Variants in TEX29 observed in about 807,000 individuals in gnomAD.
TEX29 encodes the protein testis expressed 29, also known as testis-expressed protein 29.
In TEX29, 26 loss-of-function variants were observed where a neutral mutation model predicts 18.2. That is an observed-to-expected ratio of 1.43 (90% CI 1.04 to 1.98). The LOEUF (loss-of-function observed/expected upper bound fraction) is 1.98, where lower values mean the gene tolerates loss of function less well. Ranked by LOEUF, TEX29 falls within the 30% of genes most tolerant of loss-of-function variation. The pLI is 0.00. For synonymous variants in TEX29, 83 were observed against 78.5 expected, an observed-to-expected ratio of 1.06 and a Z score of -0.31; for missense variants, 177 against 194.2, an observed-to-expected ratio of 0.91 and a Z score of 0.53.
At chr13:111,324,167 T>G (rs1394266716) in intron 2 of TEX29, among the ~76,000 whole-genome samples, 1 of 152,184 alleles carries the variant, frequency 6.6e-6, no homozygotes, top group Non-Finnish European at 1.5e-5. Flanking sequence ...ACATTTCCTG[T>G]CACCACTGTA....
intron 3 of TEX29, among the ~76,000 whole-genome samples, chr13:111,334,190 A>G (rs2093686497): frequency 6.6e-6 from 1 of 152,198 alleles, no homozygotes; most frequent in African/African-American, 2.4e-5. Flanking sequence ...TAGGTAAGAT[A>G]ATATAGCACC....
intron 4 of TEX29, among the ~76,000 whole-genome samples, chr13:111,342,247 A>G (rs74581168): frequency 6.6e-6 from 1 of 152,166 alleles, no homozygotes; most frequent in Non-Finnish European, 1.5e-5. Context: ...CCATTTTCCT[A>G]CCATGAGTGG....
rs2093691117 is a variant in TEX29, at chr13:111,337,497, C to A, written c.170-2366C>A. ...GCAACTGGCCCAAGAGAGATCAGGGCAGAAGCTGCAATGTCTTTTTTACCT... is the reference window on the plus strand; with the variant it reads ...GCAACTGGCCCAAGAGAGATCAGGGAAGAAGCTGCAATGTCTTTTTTACCT... On this transcript the variant is annotated intron_variant, in intron 3 of 5. Coordinates refer to ENST00000283547, the MANE Select transcript of TEX29 (RefSeq NM_152324.3). Among the ~76,000 whole-genome samples the A allele has an allele frequency of 2.0e-5, 3 of 151,978 alleles. No homozygotes were observed. The South Asian group carries it at 6.3e-4, about 32-fold the overall frequency.
chr13:111,336,695 A>G (rs2093690049), intron 3 of TEX29, among the ~76,000 whole-genome samples: 1 of 152,248 alleles, frequency 6.6e-6, no homozygotes, highest in Non-Finnish European at 1.5e-5. Context: ...AACATTTACC[A>G]AGACGTTTCT....
chr13:111,327,638 G>C (rs1046253268), intron 2 of TEX29, among the ~76,000 whole-genome samples: 1 of 152,234 alleles, frequency 6.6e-6, no homozygotes, highest in Non-Finnish European at 1.5e-5. Flanking sequence ...GGAAAGGGTC[G>C]TCTGCCAGGA....
At chr13:111,335,411 C>T (rs1055649251) in intron 3 of TEX29, among the ~76,000 whole-genome samples, 5 of 152,210 alleles carry the variant, frequency 3.3e-5, no homozygotes, top group Non-Finnish European at 5.9e-5. Context: ...TCCAGCAGCT[C>T]GTCCTCTGAG....
chr13:111,339,149 G>A (rs1375999130), intron 3 of TEX29: 8 of 419,974 alleles, frequency 1.9e-5, no homozygotes, highest in African/African-American at 8.1e-5. Flanking sequence ...GCTGCCCCTC[G>A]TGGCCACCTG....
At chr13:111,339,766 G>A in intron 3 of TEX29, 97 bp from the exon 4 acceptor site, 1 of 1,247,672 alleles carries the variant, frequency 8.0e-7, no homozygotes, top group Non-Finnish European at 1.2e-6. Context: ...CGCGCCGGGA[G>A]GGCCCGCACC....
At chr13:111,319,410 A>G (rs143227417), upstream of TEX29, among the ~76,000 whole-genome samples, 390 of 152,326 alleles carry the variant, frequency 2.6e-3, 1 homozygote, top group Non-Finnish European at 4.3e-3. Context: ...AAGCTCTGAC[A>G]CGTGCTACAT....
chr13:111,338,747 A>T (rs558137892), intron 3 of TEX29, among the ~76,000 whole-genome samples: 1 of 152,244 alleles, frequency 6.6e-6, no homozygotes, highest in Non-Finnish European at 1.5e-5. Context: ...ATTACTCTGT[A>T]TATGTGATTA....
chr13:111,343,809 G>A (rs185909234), intron 5 of TEX29, among the ~76,000 whole-genome samples: 18 of 152,304 alleles, frequency 1.2e-4, no homozygotes, highest in East Asian at 9.7e-4. Flanking sequence ...AACTGAGGCT[G>A]CGTCTGTGCA....
intron 3 of TEX29, among the ~76,000 whole-genome samples, chr13:111,331,114 G>A (rs2093682045): frequency 6.6e-6 from 1 of 152,102 alleles, no homozygotes; most frequent in African/African-American, 2.4e-5. Flanking sequence ...AAATTTTTAG[G>A]GAACTTCCCA....
chr13:111,321,169 G>GT (rs2093663966), intron 2 of TEX29, among the ~76,000 whole-genome samples: 1 of 152,168 alleles, frequency 6.6e-6, no homozygotes, highest in African/African-American at 2.4e-5. Context: ...CGAACCTGAG[G>GT]TTTTCTAGAT....
At chr13:111,325,528 G>A (rs1332356873) in intron 2 of TEX29, among the ~76,000 whole-genome samples, 5 of 152,244 alleles carry the variant, frequency 3.3e-5, no homozygotes, top group Non-Finnish European at 5.9e-5. Flanking sequence ...GTGACCTGGT[G>A]CCTGCCCAGA....
chr13:111,335,456 C>T (rs1472728892), intron 3 of TEX29, among the ~76,000 whole-genome samples: 1 of 152,240 alleles, frequency 6.6e-6, no homozygotes, highest in Non-Finnish European at 1.5e-5. Context: ...AAGCTCATGG[C>T]AGTGGGTGCT....
intron 2 of TEX29, among the ~76,000 whole-genome samples, chr13:111,322,519 C>A (rs1238713813): frequency 1.3e-5 from 2 of 152,180 alleles, no homozygotes; most frequent in Admixed American, 6.5e-5. Flanking sequence ...CTGTCAGGGG[C>A]TGCTGGAGGC....
At chr13:111,340,187 T>C (rs1364622683) in intron 4 of TEX29, among the ~76,000 whole-genome samples, 2 of 144,546 alleles carry the variant, frequency 1.4e-5, no homozygotes, top group Non-Finnish European at 3.0e-5. Context: ...TCATAACCCA[T>C]GTTTAGTGAG....
At chr13:111,337,719 G>C (rs781108886) in intron 3 of TEX29, among the ~76,000 whole-genome samples, 21 of 152,014 alleles carry the variant, frequency 1.4e-4, no homozygotes, top group Admixed American at 1.3e-4. Context: ...AAGTTTCCAC[G>C]GGACAGTCCT....
chr13:111,330,113 G>C (rs554953843), intron 3 of TEX29, among the ~76,000 whole-genome samples: 2 of 152,056 alleles, frequency 1.3e-5, no homozygotes, highest in East Asian at 3.9e-4. Flanking sequence ...TGAGACTAGG[G>C]GAAGAAGAGA....
Sources: allele counts gnomAD v4.1 joint callset (sites outside exome capture counted in the v4.1 genomes callset), GRCh38; gene constraint gnomAD v4.1.1; transcripts MANE v1.5; gene names NCBI Gene and HGNC (gene_info 2026-07-23, HGNC 2026-07-21).